Variants in THSD7A observed in about 807,000 individuals in gnomAD.
The protein encoded by THSD7A is thrombospondin type 1 domain containing 7A, also known as thrombospondin type-1 domain-containing protein 7A.
THSD7A carries 96 observed loss-of-function variants against 231.3 expected under a neutral mutation model. The observed-to-expected ratio is 0.41, with a 90% CI of 0.35 to 0.49. THSD7A has a LOEUF of 0.49. THSD7A is among the 20% of genes least tolerant of loss of function. The pLI is 0.05. For missense variants in THSD7A, 2,290 were observed against 2,070.2 expected (o/e 1.11, Z -2.06); for synonymous variants, 940 against 743.3 (o/e 1.26, Z -4.30).
At chr7:11,398,141 G>C (rs1783260348) in intron 23 of THSD7A, among the ~76,000 whole-genome samples, 1 of 152,116 alleles carries the variant, frequency 6.6e-6, no homozygotes, top group African/African-American at 2.4e-5. Context: ...CAACCCAAAT[G>C]CTCATCAATG....
At chr7:11,387,706 C>G (rs1782812991) in intron 23 of THSD7A, among the ~76,000 whole-genome samples, 1 of 152,160 alleles carries the variant, frequency 6.6e-6, no homozygotes, top group African/African-American at 2.4e-5. Context: ...TTATTTCTTT[C>G]TCTTGCCTGA....
intron 1 of THSD7A, among the ~76,000 whole-genome samples, chr7:11,691,208 T>C (rs189804407): frequency 4.0e-4 from 60 of 151,700 alleles, no homozygotes; most frequent in African/African-American, 1.2e-3. Context: ...ATACTAAGGA[T>C]ACAATGATGA....
chr7:11,772,846 C>G (rs557414697), intron 1 of THSD7A, among the ~76,000 whole-genome samples: 1 of 152,266 alleles, frequency 6.6e-6, no homozygotes, highest in Admixed American at 6.5e-5. Context: ...CCTGTACATG[C>G]AACCCCTCAA....
At chr7:11,485,355 T>C (rs1044671173) in intron 6 of THSD7A, among the ~76,000 whole-genome samples, 107 of 152,328 alleles carry the variant, frequency 7.0e-4, no homozygotes, top group African/African-American at 2.4e-3. Context: ...TCATACCTAA[T>C]AGCATTTGCT....
Position 11,637,183 on chromosome 7 carries a change from T to C in THSD7A, c.191-222A>G, listed in dbSNP as rs1781898948. ...CTATATAAGGTAACTTCTGGGACAA[T>C]TTCACTTTGGGTCCTTTAGGGATTA... is the stretch of plus-strand genomic sequence containing the variant. On this transcript the variant is annotated intron_variant, in intron 1 of 27. Transcript: ENST00000423059. The surrounding 1 kb of genome is among the most constrained non-coding windows in gnomAD (Gnocchi z 4.2). Among the ~76,000 whole-genome samples the C allele has an allele frequency of 6.6e-6, 1 of 152,196 alleles. No homozygotes were observed. Among genetic ancestry groups the C allele is most frequent in the Non-Finnish European group, 1.5e-5 (1 of 68,024 alleles).
At chr7:11,465,375 T>A (rs531967086) in intron 9 of THSD7A, among the ~76,000 whole-genome samples, 1 of 152,118 alleles carries the variant, frequency 6.6e-6, no homozygotes, top group Non-Finnish European at 1.5e-5. Flanking sequence ...CGTTTGTGCT[T>A]AAAAATGCCT....
chr7:11,396,326 TAAA>T (rs549830158), intron 23 of THSD7A, among the ~76,000 whole-genome samples: 1 of 151,782 alleles, frequency 6.6e-6, no homozygotes, highest in Admixed American at 6.6e-5. Flanking sequence ...GAAACACCCT[TAAA>T]AAAATCAATC....
intron 1 of THSD7A, among the ~76,000 whole-genome samples, chr7:11,644,048 TAAA>T (rs35693247): frequency 2.7e-5 from 4 of 145,694 alleles, no homozygotes; most frequent in Non-Finnish European, 3.0e-5. Context: ...ATCCTTTGAC[TAAA>T]AAAAAAAAAA....
rs1276959437 is a variant in THSD7A at position 11,814,670 on chromosome 7, G to T, written c.190+17087C>A. Among the ~76,000 whole-genome samples, 1 of 152,122 alleles carries T rather than the reference G, an allele frequency of 6.6e-6. No homozygotes were observed. The highest frequency in any genetic ancestry group is 2.4e-5 in the African/African-American group (1 of 41,422). On this transcript the variant is annotated intron_variant, in intron 1 of 27. Coordinates refer to ENST00000423059, the MANE Select transcript of THSD7A (RefSeq NM_015204.3). This position sits in a 1 kb window ranked among gnomAD's most constrained non-coding sequence, Gnocchi z 5.1. ...AGTTCTCTTATACAATGAGCCAAGA[G>T]AACTAAAGAAATTACATTAAATATT...
intron 1 of THSD7A, among the ~76,000 whole-genome samples, chr7:11,741,245 T>C (rs1214747788): frequency 6.6e-6 from 1 of 151,992 alleles, no homozygotes; most frequent in Non-Finnish European, 1.5e-5. Flanking sequence ...GTACTTTGCT[T>C]TGTGGTTTTG....
intron 1 of THSD7A, among the ~76,000 whole-genome samples, chr7:11,733,906 C>T (rs1020667198): frequency 4.0e-4 from 61 of 151,824 alleles, no homozygotes; most frequent in African/African-American, 1.4e-3. Context: ...TCCCTCTACA[C>T]TCCTATGTCT....
At position 11,377,286 on chromosome 7, in the gene THSD7A, T is replaced by C. The variant is rs1458002344; in HGVS notation, c.4802-629A>G. ...AATTTTTTTTCTACCTTTTCTATTA[T>C]ATGGAATCAGACATAACAGGAACTT... On this transcript the variant is annotated intron_variant, in intron 26 of 27. Transcript: ENST00000423059. This position sits in a 1 kb window ranked among gnomAD's most constrained non-coding sequence, Gnocchi z 4.5. Among the ~76,000 whole-genome samples the C allele has an allele frequency of 6.6e-6, 1 of 152,074 alleles. No homozygotes were observed. The highest frequency in any genetic ancestry group is 1.5e-5 in the Non-Finnish European group (1 of 67,986).
chr7:11,602,029 A>G (rs1282066956), intron 2 of THSD7A, among the ~76,000 whole-genome samples: 1 of 152,194 alleles, frequency 6.6e-6, no homozygotes, highest in African/African-American at 2.4e-5. Context: ...TTTTTAGCCA[A>G]TGCCAAAGTT....
rs369751126 is a variant in THSD7A at position 11,543,040 on chromosome 7, T to C, written c.1531A>G (p.Thr511Ala). The C allele has an allele frequency of 1.9e-6, 3 of 1,613,922 alleles. No individual in the cohort carries two copies. The highest frequency in any genetic ancestry group is 2.2e-5 in the East Asian group (1 of 44,874). The change falls in exon 5 of 28, where the codon ACT becomes GCT. Residue 511 changes from threonine (T) to alanine (A), a missense_variant. Physicochemically the swap from Thr to Ala is moderately conservative, Grantham distance 58 (BLOSUM62 0). Transcript: ENST00000423059. ...TTQLCHIPCP[T>A]ECEVSPWSAW... ...GACCAAGGTGAAACTTCACATTCAGTTGGACAAGGAATGTGGCACAGCTGT... is the reference window on the plus strand; with the variant it reads ...GACCAAGGTGAAACTTCACATTCAGCTGGACAAGGAATGTGGCACAGCTGT...
intron 2 of THSD7A, among the ~76,000 whole-genome samples, chr7:11,619,348 A>G (rs1267142642): frequency 1.3e-5 from 2 of 151,176 alleles, no homozygotes; most frequent in Non-Finnish European, 2.9e-5. Flanking sequence ...TTTTATCTAA[A>G]CTTTTACATT....
intron 1 of THSD7A, among the ~76,000 whole-genome samples, chr7:11,769,285 C>T (rs118089178): frequency 0.015 from 2,304 of 149,950 alleles, 25 homozygotes; most frequent in Non-Finnish European, 0.025. Context: ...GCATGAGCCA[C>T]TGCGCCTGGC....
At chr7:11,704,680 A>G (rs1055245978) in intron 1 of THSD7A, among the ~76,000 whole-genome samples, 2 of 150,998 alleles carry the variant, frequency 1.3e-5, no homozygotes, top group African/African-American at 4.8e-5. Flanking sequence ...CCTGAGGCTA[A>G]CCTGGGGTCC....
At chr7:11,541,678 AGTATT>A in intron 5 of THSD7A, 47 bp from the exon 6 acceptor site, 2 of 1,541,908 alleles carry the variant, frequency 1.3e-6, no homozygotes, top group South Asian at 2.3e-5. Flanking sequence ...TCAAAGGTTT[AGTATT>A]TCAGAAAGTT....
intron 2 of THSD7A, among the ~76,000 whole-genome samples, chr7:11,609,656 G>T (rs1780855632): frequency 6.6e-6 from 1 of 152,132 alleles, no homozygotes. Flanking sequence ...ATATTCATTA[G>T]GATCCTGTAT....
Sources: allele counts gnomAD v4.1 joint callset (sites outside exome capture counted in the v4.1 genomes callset), GRCh38; gene constraint gnomAD v4.1.1; non-coding constraint Gnocchi (gnomAD v3.1); transcripts MANE v1.5; gene names NCBI Gene and HGNC (gene_info 2026-07-23, HGNC 2026-07-21).